Variants in NTRK2 observed in about 807,000 individuals in gnomAD.
NTRK2 encodes BDNF/NT-3 growth factors receptor.
In NTRK2, 13 loss-of-function variants were observed where a neutral mutation model predicts 94.5. The observed-to-expected ratio is 0.14, with a 90% confidence interval of 0.09 to 0.22. The LOEUF (loss-of-function observed/expected upper bound fraction) is 0.22, where lower values mean the gene tolerates loss of function less well. NTRK2 is among the 10% of genes least tolerant of loss of function. The pLI is 1.00. For missense variants in NTRK2, 639 were observed against 1,071.2 expected, an observed-to-expected ratio of 0.60 and a Z score of 5.63; for synonymous variants, 372 against 407.4, an observed-to-expected ratio of 0.91 and a Z score of 1.05.
At chr9:84,824,979 G>T (rs1248429636) in intron 12 of NTRK2, among the ~76,000 whole-genome samples, 3 of 151,152 alleles carry the variant, frequency 2.0e-5, no homozygotes, top group African/African-American at 7.3e-5. Context: ...GGTTCCAGAG[G>T]CAAAAAGATC....
Position 84,955,279 on chromosome 9 carries a change from C to G in NTRK2, c.1938-4C>G. ...CCAGCTTCATTCTCCATGTCCTTCC[C>G]CAGGGCACACGGCCCTGATGCCGTG... On this transcript the variant is annotated splice_region_variant and splice_polypyrimidine_tract_variant and intron_variant, in intron 16 of 18. Coordinates refer to ENST00000277120, the MANE Select transcript of NTRK2 (RefSeq NM_006180.6). 2.5e-6 allele frequency: 4 copies of G among 1,593,684 alleles called. No individual in the cohort carries two copies. Among genetic ancestry groups the G allele is most frequent in the Non-Finnish European group, 3.4e-6 (4 of 1,169,762 alleles).
At chr9:84,713,847 T>C (rs1457743658) in intron 6 of NTRK2, among the ~76,000 whole-genome samples, 3 of 151,920 alleles carry the variant, frequency 2.0e-5, no homozygotes, top group Non-Finnish European at 4.4e-5. Flanking sequence ...TCCTTATCCA[T>C]GTTATTCTTA....
At chr9:85,020,089 TA>T in intron 17 of NTRK2, 116 bp from the exon 18 acceptor site, 2 of 1,088,842 alleles carry the variant, frequency 1.8e-6, no homozygotes, top group Non-Finnish European at 2.8e-6. Context: ...TATGTGTTTA[TA>T]AACAATTAAA....
At chr9:84,706,957 A>G (rs986984159) in intron 4 of NTRK2, among the ~76,000 whole-genome samples, 1 of 152,126 alleles carries the variant, frequency 6.6e-6, no homozygotes, top group Non-Finnish European at 1.5e-5. Flanking sequence ...GTTGATGTTT[A>G]TTTTACATTC....
At chr9:84,722,057 C>T (rs1276176453) in intron 6 of NTRK2, among the ~76,000 whole-genome samples, 1 of 151,790 alleles carries the variant, frequency 6.6e-6, no homozygotes, top group Non-Finnish European at 1.5e-5. Context: ...CATCTAAGGC[C>T]ACAAAGTTAG....
At chr9:84,896,506 G>A (rs768730320) in intron 14 of NTRK2, among the ~76,000 whole-genome samples, 3 of 152,200 alleles carry the variant, frequency 2.0e-5, no homozygotes, top group Non-Finnish European at 2.9e-5. Flanking sequence ...ATTTCATGAT[G>A]TTAGGCCTCA....
At chr9:84,678,504 A>G (rs960847420) in intron 2 of NTRK2, among the ~76,000 whole-genome samples, 1 of 152,224 alleles carries the variant, frequency 6.6e-6, no homozygotes, top group African/African-American at 2.4e-5. Flanking sequence ...CATGTACCCC[A>G]GAGTCCCTTG....
At chr9:84,761,981 A>T (rs111866488) in intron 12 of NTRK2, among the ~76,000 whole-genome samples, 2,433 of 152,144 alleles carry the variant, frequency 0.016, 74 homozygotes, top group African/African-American at 0.055. Flanking sequence ...GGTCTGTCCC[A>T]TGCTGTTCTC....
intron 17 of NTRK2, among the ~76,000 whole-genome samples, chr9:84,984,740 A>G (rs192254251): frequency 2.7e-3 from 410 of 152,340 alleles, no homozygotes; most frequent in Admixed American, 4.7e-3. Flanking sequence ...TTGTGTATAA[A>G]CTAGAAAGAC....
At chr9:84,739,076 A>T (rs1047399549) in intron 9 of NTRK2, among the ~76,000 whole-genome samples, 4 of 152,228 alleles carry the variant, frequency 2.6e-5, no homozygotes, top group Admixed American at 2.0e-4. Flanking sequence ...TTTGAGTCAG[A>T]ATCTCACTTT....
chr9:84,668,913 A>T (rs558270267), upstream of NTRK2: 1 of 152,326 alleles, frequency 6.6e-6, no homozygotes, highest in South Asian at 2.1e-4. Flanking sequence ...GCGGCGCCAC[A>T]CATCGGACAG....
At chr9:84,943,415 A>G (rs1309342048) in intron 15 of NTRK2, among the ~76,000 whole-genome samples, 1 of 152,110 alleles carries the variant, frequency 6.6e-6, no homozygotes, top group African/African-American at 2.4e-5. Context: ...AATTTGTTTC[A>G]TGCTAGTGCA....
chr9:84,967,586 G>A (rs1228391064), intron 17 of NTRK2, among the ~76,000 whole-genome samples: 1 of 152,270 alleles, frequency 6.6e-6, no homozygotes, highest in Non-Finnish European at 1.5e-5. Context: ...CCTTACGACA[G>A]CACCAGCCTT....
chr9:84,741,976 T>C, intron 10 of NTRK2, 49 bp downstream of exon 10: 1 of 1,482,416 alleles, frequency 6.7e-7, no homozygotes, highest in Non-Finnish European at 9.4e-7. Context: ...AATGTTTGTG[T>C]ATCATGAAGT....
At chr9:84,810,728 G>A in intron 12 of NTRK2, 1 of 1,542,998 alleles carries the variant, frequency 6.5e-7, no homozygotes, top group South Asian at 1.2e-5. Context: ...GTGTTTGGAG[G>A]CTGTACTATA....
At chr9:84,803,543 G>C (rs1444027812) in intron 12 of NTRK2, among the ~76,000 whole-genome samples, 1 of 152,152 alleles carries the variant, frequency 6.6e-6, no homozygotes, top group Non-Finnish European at 1.5e-5. Flanking sequence ...AGCACATGGG[G>C]AGAGGGATAC....
At chr9:84,980,362 A>C (rs1827435338) in intron 17 of NTRK2, among the ~76,000 whole-genome samples, 1 of 152,144 alleles carries the variant, frequency 6.6e-6, no homozygotes, top group African/African-American at 2.4e-5. Context: ...CTTTTGACTT[A>C]CTTACTTAGG....
intron 14 of NTRK2, chr9:84,873,450 T>G: frequency 9.4e-7 from 1 of 1,059,368 alleles, no homozygotes; most frequent in Non-Finnish European, 1.1e-6. Context: ...TCATGGCACA[T>G]TGCTGCTGTT....
At chr9:85,016,858 C>A (rs1328694365) in intron 17 of NTRK2, among the ~76,000 whole-genome samples, 2 of 152,128 alleles carry the variant, frequency 1.3e-5, no homozygotes, top group Non-Finnish European at 2.9e-5. Flanking sequence ...GCGTGAAATC[C>A]CAGAAGGGAT....
Sources: gnomAD v4.1 joint callset for allele counts (sites outside exome capture counted in the v4.1 genomes callset) on GRCh38, gnomAD v4.1.1 for gene constraint, MANE v1.5 for transcripts, NCBI Gene and HGNC (gene_info 2026-07-23, HGNC 2026-07-21) for gene names.